Variants in SLC38A3 observed in about 807,000 individuals in gnomAD.
The protein encoded by SLC38A3 is sodium-coupled neutral amino acid transporter 3.
In SLC38A3, 17 loss-of-function variants were observed where a neutral mutation model predicts 59.5. That is an observed-to-expected ratio of 0.29 (90% CI 0.20 to 0.43). SLC38A3 has a LOEUF of 0.43. SLC38A3 is among the 20% of genes least tolerant of loss of function. The probability of loss-of-function intolerance (pLI) is 1.00; values close to 1 mark genes in which losing one functional copy is unlikely to be tolerated. For missense variants in SLC38A3, 454 were observed against 653.9 expected, an observed-to-expected ratio of 0.69 and a Z score of 3.33; for synonymous variants, 238 against 260.3, an observed-to-expected ratio of 0.91 and a Z score of 0.82.
At position 50,214,223 on chromosome 3, in the gene SLC38A3, G is replaced by T. The variant is rs1384959767; in HGVS notation, c.24G>T (p.Glu8Asp). The change falls in exon 2 of 16, where the codon GAG becomes GAT. Residue 8 changes from glutamate to aspartate, a missense_variant. Glu to Asp is a conservative substitution (Grantham distance 45). This residue lies in a region of SLC38A3 where 390 missense variants were observed against 557.9 expected (regional missense o/e 0.70). Coordinates refer to ENST00000614032, the MANE Select transcript of SLC38A3 (RefSeq NM_006841.6). This position sits in a 1 kb window ranked among gnomAD's most constrained non-coding sequence, Gnocchi z 6.0. MEAPLQT[E>D]MVELVPNGKH... is the part of the protein sequence containing the mutation. ...CCATGGAGGCGCCTTTGCAGACAGAGATGGTGGAGCTGGTGCCCAATGGCA... is the reference window on the plus strand; with the variant it reads ...CCATGGAGGCGCCTTTGCAGACAGATATGGTGGAGCTGGTGCCCAATGGCA... The T allele has an allele frequency of 2.5e-6, 4 of 1,613,760 alleles. No individual in the cohort carries two copies. The highest frequency in any genetic ancestry group is 1.7e-5 in the Admixed American group (1 of 59,998).
intron 1 of SLC38A3, among the ~76,000 whole-genome samples, chr3:50,212,212 G>C (rs1699741323): frequency 6.6e-6 from 1 of 152,236 alleles, no homozygotes; most frequent in African/African-American, 2.4e-5. Flanking sequence ...GCAGTGCCTG[G>C]CTGCTACAGA....
At chr3:50,213,154 C>G (rs939607481) in intron 1 of SLC38A3, among the ~76,000 whole-genome samples, 18 of 152,196 alleles carry the variant, frequency 1.2e-4, no homozygotes, top group Non-Finnish European at 2.4e-4. Context: ...TGAGGCCCAG[C>G]AGGGCCAAGC....
rs752987140 is a variant in SLC38A3 at position 50,214,685 on chromosome 3, G to T, written c.216G>T (p.Val72=). 1 of 1,613,510 alleles carries T rather than the reference G, an allele frequency of 6.2e-7. No individual in the cohort carries two copies. The highest frequency in any genetic ancestry group is 1.1e-5 in the South Asian group (1 of 90,934). ...FEGKTSFGMS[V]FNLSNAIMGS... is the part of the protein sequence containing the mutation. The stretch of plus-strand genomic sequence containing the variant: ...GGAAGACATCATTCGGGATGTCAGT[G>T]TTCAACCTCAGCAATGCCATCATGG... The change falls in exon 4 of 16, where the codon GTG becomes GTT. Residue 72 remains valine (V), a synonymous_variant. Transcript: ENST00000614032. This position sits in a 1 kb window ranked among gnomAD's most constrained non-coding sequence, Gnocchi z 6.0.
intron 1 of SLC38A3, chr3:50,207,859 C>A (rs552480597): frequency 6.6e-6 from 1 of 152,294 alleles, no homozygotes; most frequent in Admixed American, 6.5e-5. Flanking sequence ...CTGCGGGCCA[C>A]GTCCTGTACA....
At chr3:50,211,174 A>G (rs544725279) in intron 1 of SLC38A3, among the ~76,000 whole-genome samples, 1 of 152,260 alleles carries the variant, frequency 6.6e-6, no homozygotes, top group African/African-American at 2.4e-5. Flanking sequence ...GTTTACCCCG[A>G]TTCCGATTCC....
rs377160940 is a variant in SLC38A3 at position 50,215,857 on chromosome 3, C to T, written c.548+36C>T. On this transcript the variant is annotated intron_variant, in intron 7 of 15. Coordinates refer to ENST00000614032, the MANE Select transcript of SLC38A3 (RefSeq NM_006841.6). This position sits in a 1 kb window ranked among gnomAD's most constrained non-coding sequence, Gnocchi z 7.1. ...GCGTGGGGAGGGGAGGGGAGGGGTG[C>T]GGTGCAGTGAGGAGGGGTGGGGTGG... is the stretch of plus-strand genomic sequence containing the variant. The T allele has an allele frequency of 3.2e-4, 90 of 283,412 alleles. No individual in the cohort carries two copies. In the African/African-American group the frequency reaches 4.5e-3, roughly 14 times the overall value. 17.6% of individuals were successfully genotyped at this position (283,412 alleles called of 1,614,324 possible). A position where few individuals can be genotyped will look rare whatever the true frequency, so the allele number is the denominator to read the frequency against.
In SLC38A3 at chr3:50,206,719, G is replaced by A. The variant is rs140489231; in HGVS notation, c.-52+1371G>A. Among the ~76,000 whole-genome samples, 53 of 152,366 alleles carry A rather than the reference G, an allele frequency of 3.5e-4. 3 individuals carry two copies. In the East Asian group the frequency reaches 9.6e-3, roughly 28 times the overall value. On this transcript the variant is annotated intron_variant, in intron 1 of 15. Transcript: ENST00000614032. ...TTCTTGACATTGGGAGCAGGGGGCT[G>A]AATCTCTGGGGAGGGTAGGAGTCTG...
chr3:50,211,596 CT>C (rs1559753260), intron 1 of SLC38A3, among the ~76,000 whole-genome samples: 1 of 62,186 alleles, frequency 1.6e-5, no homozygotes, highest in African/African-American at 5.3e-5. Flanking sequence ...TTTTTTTTTT[CT>C]TTTTTTTTGA....
Position 50,220,394 on chromosome 3 carries a change from G to A in SLC38A3, c.*217G>A. 1 of 567,124 alleles carries A rather than the reference G, an allele frequency of 1.8e-6. No individual in the cohort carries two copies. Among genetic ancestry groups the A allele is most frequent in the Non-Finnish European group, 3.2e-6 (1 of 316,270 alleles). The allele number at this position is 567,124 out of a possible 1,614,324, so 35.1% of individuals were successfully genotyped here. On this transcript the variant is annotated 3_prime_UTR_variant, in exon 16 of 16. Transcript: ENST00000614032. ...CCTGCTAGGCTCTGGAGCTGTAGAG[G>A]CTTCCTGAACTGGGAGCAGGGTAGG...
Position 50,214,603 on chromosome 3 carries a change from G to A in SLC38A3, c.184-50G>A, listed in dbSNP as rs1699789545. On this transcript the variant is annotated intron_variant, in intron 3 of 15. Coordinates refer to ENST00000614032, the MANE Select transcript of SLC38A3 (RefSeq NM_006841.6). This position sits in a 1 kb window ranked among gnomAD's most constrained non-coding sequence, Gnocchi z 6.0. Reference sequence around the variant, plus strand: ...GTCAGGGGAAGGCTGCGATGCCCCTGTCCCTTGCTGACTCCTCCCACCCTC... The same window carrying A: ...GTCAGGGGAAGGCTGCGATGCCCCTATCCCTTGCTGACTCCTCCCACCCTC... 2 of 1,495,570 alleles carry A rather than the reference G, an allele frequency of 1.3e-6. No homozygotes were observed. Among genetic ancestry groups the A allele is most frequent in the Non-Finnish European group, 9.2e-7 (1 of 1,087,212 alleles). 92.6% of individuals were successfully genotyped at this position (1,495,570 alleles called of 1,614,324 possible).
chr3:50,214,676 G>T lies in SLC38A3; in HGVS notation c.207G>T (p.Gly69=). The T allele has an allele frequency of 6.2e-7, 1 of 1,613,152 alleles. No homozygotes were observed. The change falls in exon 4 of 16, where the codon GGG becomes GGT. Residue 69 remains glycine (G), a synonymous_variant. Coordinates refer to ENST00000614032, the MANE Select transcript of SLC38A3 (RefSeq NM_006841.6). This position sits in a 1 kb window ranked among gnomAD's most constrained non-coding sequence, Gnocchi z 6.0. ...FTDFEGKTSF[G]MSVFNLSNAI... is the part of the protein sequence containing the mutation. ...AGTTCGAGGGGAAGACATCATTCGGGATGTCAGTGTTCAACCTCAGCAATG... is the reference window on the plus strand; with the variant it reads ...AGTTCGAGGGGAAGACATCATTCGGTATGTCAGTGTTCAACCTCAGCAATG...
At chr3:50,210,749 C>T (rs1456604954) in intron 1 of SLC38A3, among the ~76,000 whole-genome samples, 1 of 152,212 alleles carries the variant, frequency 6.6e-6, no homozygotes, top group Non-Finnish European at 1.5e-5. Context: ...CCCTGTGGCT[C>T]CTGGCCCCTC....
intron 7 of SLC38A3, among the ~76,000 whole-genome samples, chr3:50,216,269 C>T (rs587641688): frequency 5.9e-5 from 9 of 152,368 alleles, no homozygotes; most frequent in East Asian, 3.9e-4. Context: ...GGGGACACAG[C>T]CAGGCCCTGC....
chr3:50,219,912 C>T lies in SLC38A3; in HGVS notation c.1338C>T (p.Ile446=). The T allele has an allele frequency of 1.9e-6, 3 of 1,613,396 alleles. No individual in the cohort carries two copies. Among genetic ancestry groups the T allele is most frequent in the Non-Finnish European group, 2.5e-6 (3 of 1,179,678 alleles). ...GATSAPFLIF[I]FPAIFYFRIM... is the part of the protein sequence containing the mutation. The stretch of plus-strand genomic sequence containing the variant: ...CATCTGCCCCATTCCTCATCTTCAT[C>T]TTCCCTGCCATCTTCTACTTCCGAA... Residue 446 remains isoleucine, a synonymous_variant, in exon 15 of 16, where the codon ATC becomes ATT. Transcript: ENST00000614032.
chr3:50,206,936 T>G (rs1350300758), intron 1 of SLC38A3, among the ~76,000 whole-genome samples: 1 of 152,220 alleles, frequency 6.6e-6, no homozygotes, highest in Admixed American at 6.5e-5. Flanking sequence ...GCAAGTAGCC[T>G]TGAAGCCCTG....
Position 50,219,408 on chromosome 3 carries a change from A to T in SLC38A3, c.1306+460A>T, listed in dbSNP as rs6791799. Among the ~76,000 whole-genome samples, 871 of 152,280 alleles carry T rather than the reference A, an allele frequency of 5.7e-3. 7 individuals carry two copies. Among genetic ancestry groups the T allele is most frequent in the African/African-American group, 0.02 (821 of 41,550 alleles). Reference sequence around the variant, plus strand: ...ACAATTCTGAAATGTCTTTGGGGTGATCCAACTCAGAGGACTAACAAACTC... The same window carrying T: ...ACAATTCTGAAATGTCTTTGGGGTGTTCCAACTCAGAGGACTAACAAACTC... On this transcript the variant is annotated intron_variant, in intron 14 of 15. Coordinates refer to ENST00000614032, the MANE Select transcript of SLC38A3 (RefSeq NM_006841.6).
chr3:50,218,587 CCA>C lies in SLC38A3; in HGVS notation c.1037-3_1037-2del. 1.2e-6 allele frequency: 2 copies of C among 1,611,434 alleles called. No individual in the cohort carries two copies. The highest frequency in any genetic ancestry group is 1.7e-6 in the Non-Finnish European group (2 of 1,178,698). Reference sequence around the variant, plus strand: ...ACCTACTGACCACCCTCCCTGCCTGCCACAGACGGGGTGGAGTCGGAGCTGCT... The same window carrying C: ...ACCTACTGACCACCCTCCCTGCCTGCCAGACGGGGTGGAGTCGGAGCTGCT... On this transcript the variant is annotated splice_polypyrimidine_tract_variant and splice_region_variant and intron_variant, in intron 12 of 15. Transcript: ENST00000614032. The surrounding 1 kb of genome is among the most constrained non-coding windows in gnomAD (Gnocchi z 5.8).
At chr3:50,207,018 G>T (rs1456487690) in intron 1 of SLC38A3, among the ~76,000 whole-genome samples, 1 of 152,354 alleles carries the variant, frequency 6.6e-6, no homozygotes, top group Middle Eastern at 3.4e-3. Flanking sequence ...GTCAGAGAAG[G>T]ATTTTAAGCT....
At position 50,217,129 on chromosome 3, in the gene SLC38A3, C is replaced by A. The variant is rs766308136; in HGVS notation, c.549-109C>A. ...AGACTCAGAGCTGTGGACAAACATT[C>A]TTCAGATGTCACTCAGTGGCACCAT... On this transcript the variant is annotated intron_variant, in intron 7 of 15. Coordinates refer to ENST00000614032, the MANE Select transcript of SLC38A3 (RefSeq NM_006841.6). The surrounding 1 kb of genome is among the most constrained non-coding windows in gnomAD (Gnocchi z 4.9). The A allele has an allele frequency of 4.1e-6, 3 of 737,792 alleles. No homozygotes were observed. Among genetic ancestry groups the A allele is most frequent in the Non-Finnish European group, 4.8e-6 (2 of 417,614 alleles). 45.7% of individuals were successfully genotyped at this position (737,792 alleles called of 1,614,324 possible). A position where few individuals can be genotyped will look rare whatever the true frequency, so the allele number is the denominator to read the frequency against.
Sources: gnomAD v4.1 joint callset for allele counts (sites outside exome capture counted in the v4.1 genomes callset) on GRCh38, gnomAD v4.1.1 for gene constraint, gnomAD v4.1.1 regional missense constraint, Gnocchi (gnomAD v3.1) non-coding constraint, MANE v1.5 for transcripts, NCBI Gene and HGNC (gene_info 2026-07-23, HGNC 2026-07-21) for gene names.